CALN1: variants seen among roughly 807,000 people sequenced by gnomAD.
The protein encoded by CALN1 is calcium-binding protein 8.
Under a neutral mutation model 30.6 loss-of-function variants are expected in CALN1, and 17 were observed. That is an observed-to-expected ratio of 0.56 (90% CI 0.38 to 0.83). The LOEUF (loss-of-function observed/expected upper bound fraction) is 0.83. Among genes scored for constraint, CALN1 ranks in the 40% least tolerant of loss-of-function variants. The pLI is 0.00. For synonymous variants in CALN1, 156 were observed against 131.4 expected, an observed-to-expected ratio of 1.19 and a Z score of -1.28; for missense variants, 291 against 354.9, an observed-to-expected ratio of 0.82 and a Z score of 1.45.
chr7:72,427,568 C>T lies in CALN1; in HGVS notation c.-225-15293G>A, dbSNP rs191329349. On this transcript the variant is annotated intron_variant, in intron 1 of 6. Coordinates refer to the CALN1 transcript ENST00000395276. ...TAGAAACAGGGTCTTGCTCTGTCAT[C>T]CAGGCTGAAGTACAGTGGCACAAAC... Among the ~76,000 whole-genome samples the T allele has an allele frequency of 2.1e-3, 316 of 152,292 alleles. 1 individual carries two copies. The highest frequency in any genetic ancestry group is 6.8e-3 in the Middle Eastern group (2 of 294).
At chr7:72,390,076 A>C (rs1039244449) in intron 2 of CALN1, among the ~76,000 whole-genome samples, 5 of 152,082 alleles carry the variant, frequency 3.3e-5, no homozygotes, top group African/African-American at 1.2e-4. Flanking sequence ...AGGTTGGCTA[A>C]GGAGGGGTAG....
intron 3 of CALN1, among the ~76,000 whole-genome samples, chr7:72,216,718 C>A (rs921928717): frequency 1.6e-4 from 25 of 152,154 alleles, no homozygotes; most frequent in African/African-American, 6.0e-4. Context: ...GAGTGGTCCC[C>A]TGAGCTCTTT....
the CALN1 span, among the ~76,000 whole-genome samples, chr7:72,467,159 C>G: frequency 6.6e-6 from 1 of 152,208 alleles, no homozygotes; most frequent in Non-Finnish European, 1.5e-5. Flanking sequence ...GTGTCTGAGA[C>G]AGCCTATGAC....
intron 4 of CALN1, among the ~76,000 whole-genome samples, chr7:72,097,538 T>C (rs952049709): frequency 1.6e-4 from 25 of 151,636 alleles, no homozygotes; most frequent in African/African-American, 5.8e-4. Flanking sequence ...CTGGGTGTGG[T>C]GGCTCAAGCC....
intron 3 of CALN1, among the ~76,000 whole-genome samples, chr7:72,137,214 T>C (rs1004891602): frequency 3.9e-5 from 6 of 152,186 alleles, no homozygotes; most frequent in Admixed American, 2.6e-4. Context: ...GGTATGTTTC[T>C]GGTCAGAGAG....
chr7:72,403,583 T>C (rs897567633), intron 1 of CALN1, 141 bp from the exon 2 acceptor site: 8 of 455,716 alleles, frequency 1.8e-5, no homozygotes, highest in African/African-American at 7.8e-5. Context: ...GCACAAGAAA[T>C]ATAATTACAG....
chr7:71,997,508 C>G (rs1215633225), intron 5 of CALN1, among the ~76,000 whole-genome samples: 1 of 152,078 alleles, frequency 6.6e-6, no homozygotes, highest in Admixed American at 6.5e-5. Context: ...AAAGAGTATT[C>G]AAAGAAGGAA....
intron 5 of CALN1, among the ~76,000 whole-genome samples, chr7:71,887,016 G>C (rs1258891760): frequency 2.0e-5 from 3 of 152,070 alleles, no homozygotes; most frequent in Admixed American, 1.3e-4. Flanking sequence ...GCATCGTAGA[G>C]GGTGAGTGAG....
upstream of CALN1, among the ~76,000 whole-genome samples, chr7:72,412,908 G>T (rs1177123327): frequency 6.6e-6 from 1 of 152,200 alleles, no homozygotes; most frequent in East Asian, 1.9e-4. Context: ...GGCTTTCCTG[G>T]TAGGATAATA....
intron 2 of CALN1, among the ~76,000 whole-genome samples, chr7:72,304,119 A>G (rs576628524): frequency 6.6e-6 from 1 of 152,360 alleles, no homozygotes; most frequent in East Asian, 1.9e-4. Flanking sequence ...CTCCCCCGAA[A>G]CCACCGTCTT....
intron 4 of CALN1, among the ~76,000 whole-genome samples, chr7:72,088,926 G>A (rs1474389): frequency 0.46 from 69,087 of 151,808 alleles, 16,825 homozygotes; most frequent in East Asian, 0.97. Flanking sequence ...GCTTGAAGTA[G>A]ACTTCCTGAA....
At chr7:72,465,696 A>G in the CALN1 span, among the ~76,000 whole-genome samples, 1 of 152,218 alleles carries the variant, frequency 6.6e-6, no homozygotes, top group Admixed American at 6.5e-5. Context: ...GACATGAATC[A>G]TATACATGGA....
chr7:72,499,774 TTTCCTTCCTTCC>T, the CALN1 span, among the ~76,000 whole-genome samples: 1,662 of 118,696 alleles, frequency 0.014, 299 homozygotes, highest in African/African-American at 0.025. Flanking sequence ...ACTTTCTTTC[TTTCCTTCCTTCC>T]TTCCTTCCTT....
chr7:72,278,835 G>C, intron 2 of CALN1, 25 bp from the exon 3 acceptor site: 1 of 1,590,212 alleles, frequency 6.3e-7, no homozygotes, highest in Non-Finnish European at 8.6e-7. Context: ...ACAGGGGAGG[G>C]GAAAAGAAAG....
At chr7:72,156,000 C>T (rs189328026) in intron 3 of CALN1, among the ~76,000 whole-genome samples, 79 of 152,258 alleles carry the variant, frequency 5.2e-4, no homozygotes, top group African/African-American at 1.9e-3. Context: ...CTCAGATACT[C>T]CAGGAGAATC....
intron 1 of CALN1, among the ~76,000 whole-genome samples, chr7:72,446,810 A>G (rs1257194248): frequency 6.6e-6 from 1 of 152,168 alleles, no homozygotes; most frequent in Non-Finnish European, 1.5e-5. Flanking sequence ...GCTGGGGCCA[A>G]AACAAACGTG....
intron 5 of CALN1, among the ~76,000 whole-genome samples, chr7:71,876,864 C>A (rs543616777): frequency 7.9e-5 from 12 of 152,260 alleles, no homozygotes; most frequent in African/African-American, 2.6e-4. Context: ...TCAATGATTA[C>A]CTTTTATCTG....
chr7:72,066,298 G>C (rs575687726), intron 4 of CALN1, among the ~76,000 whole-genome samples: 3 of 152,178 alleles, frequency 2.0e-5, no homozygotes, highest in Non-Finnish European at 4.4e-5. Context: ...ACAGAGCCCT[G>C]GGGCACGTTA....
chr7:72,306,236 GA>G (rs1207650191), intron 2 of CALN1, among the ~76,000 whole-genome samples: 1 of 152,136 alleles, frequency 6.6e-6, no homozygotes, highest in Non-Finnish European at 1.5e-5. Flanking sequence ...CTTTGTGGGG[GA>G]AAATGTACAT....
Sources: gnomAD v4.1 joint callset for allele counts (sites outside exome capture counted in the v4.1 genomes callset) on GRCh38, gnomAD v4.1.1 for gene constraint, MANE v1.5 for transcripts, NCBI Gene and HGNC (gene_info 2026-07-23, HGNC 2026-07-21) for gene names.